SEMA3E: variants seen among roughly 807,000 people sequenced by gnomAD.
The protein encoded by SEMA3E is semaphorin-3E.
In SEMA3E, 49 loss-of-function variants were observed where a neutral mutation model predicts 93.6. That is an observed-to-expected ratio of 0.52 (90% confidence interval 0.42 to 0.66). SEMA3E has a LOEUF of 0.66. Among genes scored for constraint, SEMA3E ranks in the 30% least tolerant of loss-of-function variants. SEMA3E has a pLI of 0.00. For synonymous variants in SEMA3E, 363 were observed against 330.7 expected, an observed-to-expected ratio of 1.10 and a Z score of -1.06; for missense variants, 906 against 964.8, an observed-to-expected ratio of 0.94 and a Z score of 0.81.
At chr7:83,374,662 A>AAAGT (rs1439401712) in intron 16 of SEMA3E, among the ~76,000 whole-genome samples, 1 of 152,198 alleles carries the variant, frequency 6.6e-6, no homozygotes. Flanking sequence ...CTGAGTTCAC[A>AAAGT]AAGTAAGAAG....
In SEMA3E at chr7:83,413,181, C is replaced by T. The variant is rs192175526; in HGVS notation, c.551-4694G>A. Among the ~76,000 whole-genome samples, 109 of 152,048 alleles carry T rather than the reference C, an allele frequency of 7.2e-4. 2 individuals are homozygous for T. Among genetic ancestry groups the T allele is most frequent in the Admixed American group, 7.1e-3 (108 of 15,270 alleles). On this transcript the variant is annotated intron_variant, in intron 5 of 16. Transcript: ENST00000643230. ...GTTTTAATTAAATCCATTGCATTGC[C>T]TTAATATTTTATGGAACGTATCAAG...
chr7:83,508,326 G>T (rs191319392), intron 1 of SEMA3E, among the ~76,000 whole-genome samples: 1 of 150,172 alleles, frequency 6.7e-6, no homozygotes, highest in Non-Finnish European at 1.5e-5. Flanking sequence ...GCAATGGTGC[G>T]ATCTCAACTC....
chr7:83,639,946 A>C (rs1428944761), intron 1 of SEMA3E, among the ~76,000 whole-genome samples: 1 of 151,984 alleles, frequency 6.6e-6, no homozygotes, highest in Non-Finnish European at 1.5e-5. Context: ...TTCATAATAA[A>C]CTTTGTGACT....
intron 1 of SEMA3E, among the ~76,000 whole-genome samples, chr7:83,587,977 AT>A (rs1748471538): frequency 6.6e-6 from 1 of 150,954 alleles, no homozygotes; most frequent in African/African-American, 2.5e-5. Flanking sequence ...ATGTATTTAA[AT>A]TAATTATATT....
intron 1 of SEMA3E, among the ~76,000 whole-genome samples, chr7:83,630,824 G>A (rs1793771536): frequency 1.3e-5 from 2 of 152,092 alleles, no homozygotes; most frequent in South Asian, 4.1e-4. Flanking sequence ...ACAAAATAGA[G>A]GCTGCAAAGA....
intron 1 of SEMA3E, among the ~76,000 whole-genome samples, chr7:83,643,626 A>T (rs1318540614): frequency 6.6e-6 from 1 of 152,010 alleles, no homozygotes; most frequent in Non-Finnish European, 1.5e-5. Context: ...ATTTGTCTGT[A>T]GCAAATATAA....
chr7:83,611,389 A>ATT (rs1167421881), intron 1 of SEMA3E, among the ~76,000 whole-genome samples: 8 of 142,850 alleles, frequency 5.6e-5, no homozygotes, highest in African/African-American at 1.6e-4. Flanking sequence ...AAATTTATAT[A>ATT]TTATATATAT....
In SEMA3E at chr7:83,507,424, C is replaced by G. The variant is rs200633336; in HGVS notation, c.116-17150G>C. On this transcript the variant is annotated intron_variant, in intron 1 of 16. Coordinates refer to ENST00000643230, the MANE Select transcript of SEMA3E (RefSeq NM_012431.3). ...GGATTTATCACTTCAAAACAGAACT[C>G]TGTGTGTGTGTGTGTGTGTGTGTGT... is the stretch of plus-strand genomic sequence containing the variant. Among the ~76,000 whole-genome samples the G allele has an allele frequency of 2.0e-4, 25 of 125,996 alleles. 1 individual carries two copies. Among genetic ancestry groups the G allele is most frequent in the East Asian group, 2.0e-3 (8 of 4,066 alleles). The allele number at this position is 125,996 out of a possible 152,430, so 82.7% of individuals were successfully genotyped here.
intron 1 of SEMA3E, among the ~76,000 whole-genome samples, chr7:83,629,524 C>CT (rs1274401467): frequency 2.0e-5 from 3 of 152,150 alleles, no homozygotes; most frequent in Non-Finnish European, 4.4e-5. Context: ...AGTCTGGCTA[C>CT]AGTGGCTTTG....
intron 1 of SEMA3E, among the ~76,000 whole-genome samples, chr7:83,648,187 A>G (rs1794104760): frequency 6.6e-6 from 1 of 152,034 alleles, no homozygotes; most frequent in Admixed American, 6.5e-5. Flanking sequence ...TCCAATGTTT[A>G]CAGACAAAAA....
intron 1 of SEMA3E, among the ~76,000 whole-genome samples, chr7:83,520,641 G>T (rs1400451252): frequency 1.3e-5 from 2 of 152,120 alleles, no homozygotes; most frequent in Admixed American, 6.6e-5. Flanking sequence ...AGTTACTAGA[G>T]TGCCAACATA....
At position 83,638,832 on chromosome 7, in the gene SEMA3E, C is replaced by T. The variant is rs368328007; in HGVS notation, c.115+9596G>A. On this transcript the variant is annotated intron_variant, in intron 1 of 16. Coordinates refer to ENST00000643230, the MANE Select transcript of SEMA3E (RefSeq NM_012431.3). Reference sequence around the variant, plus strand: ...GACTTGTTAAAACAGAGATTCCTGGCCGGGCGCGGTGGCTCACGCCTGTAA... The same window carrying T: ...GACTTGTTAAAACAGAGATTCCTGGTCGGGCGCGGTGGCTCACGCCTGTAA... Among the ~76,000 whole-genome samples, 12 of 152,166 alleles carry T rather than the reference C, an allele frequency of 7.9e-5. No individual in the cohort carries two copies. The East Asian group carries it at 9.7e-4, about 12-fold the overall frequency.
At chr7:83,530,569 A>G (rs1310245927) in intron 1 of SEMA3E, among the ~76,000 whole-genome samples, 1 of 152,108 alleles carries the variant, frequency 6.6e-6, no homozygotes, top group Non-Finnish European at 1.5e-5. Context: ...TCCAATATAT[A>G]TTCTTTTTAA....
At chr7:83,378,898 A>G (rs1310277798) in intron 16 of SEMA3E, among the ~76,000 whole-genome samples, 1 of 151,868 alleles carries the variant, frequency 6.6e-6, no homozygotes, top group Non-Finnish European at 1.5e-5. Context: ...ACTACTAGGA[A>G]TATACCTAAA....
At chr7:83,588,548 A>C (rs2115936374) in intron 1 of SEMA3E, among the ~76,000 whole-genome samples, 1 of 152,322 alleles carries the variant, frequency 6.6e-6, no homozygotes, top group African/African-American at 2.4e-5. Context: ...GTGTATAATT[A>C]GAATATTAAA....
intron 4 of SEMA3E, among the ~76,000 whole-genome samples, chr7:83,419,989 A>G (rs1788640700): frequency 6.6e-6 from 1 of 152,168 alleles, no homozygotes; most frequent in Non-Finnish European, 1.5e-5. Flanking sequence ...ATCAAAATAG[A>G]AAAAGAAGTC....
chr7:83,523,945 C>T (rs571035039), intron 1 of SEMA3E, among the ~76,000 whole-genome samples: 17 of 152,188 alleles, frequency 1.1e-4, no homozygotes, highest in Non-Finnish European at 1.3e-4. Flanking sequence ...AAATATTTCA[C>T]GTTTCTTTTG....
chr7:83,576,581 G>A (rs1792405368), intron 1 of SEMA3E, among the ~76,000 whole-genome samples: 1 of 151,966 alleles, frequency 6.6e-6, no homozygotes, highest in Admixed American at 6.6e-5. Context: ...AATAGGCTAT[G>A]TCGAAAGAGC....
At chr7:83,446,924 A>G (rs1789243244) in intron 4 of SEMA3E, among the ~76,000 whole-genome samples, 1 of 152,212 alleles carries the variant, frequency 6.6e-6, no homozygotes, top group Non-Finnish European at 1.5e-5. Context: ...CGGTAGCTCT[A>G]TTTATTAATA....
Sources: allele counts gnomAD v4.1 joint callset (sites outside exome capture counted in the v4.1 genomes callset), GRCh38; gene constraint gnomAD v4.1.1; transcripts MANE v1.5; gene names NCBI Gene and HGNC (gene_info 2026-07-23, HGNC 2026-07-21).